Variants in MTMR7 observed in about 807,000 individuals in gnomAD.
The protein encoded by MTMR7 is phosphatidylinositol-3-phosphate phosphatase MTMR7.
Under a neutral mutation model 81.2 loss-of-function variants are expected in MTMR7, and 76 were observed. The ratio of observed to expected loss-of-function variants is 0.94; its 90% CI spans 0.78 to 1.13. The LOEUF (loss-of-function observed/expected upper bound fraction) is 1.13, where lower values mean the gene tolerates loss of function less well. Ranked by LOEUF, MTMR7 falls within the 50% of genes most tolerant of loss-of-function variation. The probability of loss-of-function intolerance (pLI) is 0.00; values close to 1 mark genes in which losing one functional copy is unlikely to be tolerated. For synonymous variants in MTMR7, 372 were observed against 289.8 expected (o/e 1.28, Z -2.88); for missense variants, 1,044 against 820.0 (o/e 1.27, Z -3.34).
intron 12 of MTMR7, among the ~76,000 whole-genome samples, chr8:17,303,802 G>A (rs1224549528): frequency 6.6e-6 from 1 of 152,054 alleles, no homozygotes; most frequent in Non-Finnish European, 1.5e-5. Flanking sequence ...TAGAGACTGG[G>A]TCTCCCCATG....
intron 1 of MTMR7, among the ~76,000 whole-genome samples, chr8:17,383,361 C>A (rs1188597545): frequency 6.6e-6 from 1 of 152,190 alleles, no homozygotes; most frequent in Non-Finnish European, 1.5e-5. Context: ...ACTTTTACCA[C>A]TGACCACACA....
chr8:17,346,884 T>TA (rs55910829), intron 5 of MTMR7, among the ~76,000 whole-genome samples: 4,138 of 65,120 alleles, frequency 0.064, 296 homozygotes, highest in Middle Eastern at 0.13. Flanking sequence ...CCTATCTTAA[T>TA]AAAAAAAAAA....
At chr8:17,356,241 T>A (rs1338737724) in intron 4 of MTMR7, among the ~76,000 whole-genome samples, 1 of 152,162 alleles carries the variant, frequency 6.6e-6, no homozygotes, top group Non-Finnish European at 1.5e-5. Flanking sequence ...CTTCCACATT[T>A]CCTTTAATGG....
At chr8:17,395,297 A>G (rs1042285476) in intron 1 of MTMR7, among the ~76,000 whole-genome samples, 2 of 152,106 alleles carry the variant, frequency 1.3e-5, no homozygotes, top group Non-Finnish European at 2.9e-5. Flanking sequence ...TACATATCAT[A>G]TTCTGTTTAT....
intron 7 of MTMR7, 45 bp from the exon 8 acceptor site, chr8:17,313,446 T>G: frequency 8.2e-7 from 1 of 1,214,358 alleles, no homozygotes; most frequent in Non-Finnish European, 1.2e-6. Context: ...AGGTACTCTC[T>G]CATTTTACAT....
At chr8:17,397,037 C>A (rs1821274024) in intron 1 of MTMR7, among the ~76,000 whole-genome samples, 1 of 151,896 alleles carries the variant, frequency 6.6e-6, no homozygotes, top group South Asian at 2.1e-4. Flanking sequence ...CATCTGCTGA[C>A]AAAAGAGCTC....
chr8:17,402,658 T>C (rs1474267184), intron 1 of MTMR7, among the ~76,000 whole-genome samples: 1 of 152,208 alleles, frequency 6.6e-6, no homozygotes, highest in Non-Finnish European at 1.5e-5. Context: ...TATACATTCG[T>C]CTGTTGATGG....
intron 6 of MTMR7, chr8:17,338,664 C>T (rs183692456): frequency 2.6e-5 from 4 of 151,610 alleles, no homozygotes; most frequent in African/African-American, 7.3e-5. Flanking sequence ...CACAAATTGA[C>T]AGAGAACAGT....
chr8:17,357,263 T>C (rs186537131), intron 4 of MTMR7, among the ~76,000 whole-genome samples: 166 of 152,350 alleles, frequency 1.1e-3, no homozygotes, highest in African/African-American at 3.7e-3. Context: ...ATAATAATAC[T>C]ACTATACACA....
rs1171525562 is a variant in MTMR7, at chr8:17,413,338, A to G, written c.-46T>C. On this transcript the variant is annotated 5_prime_UTR_variant, in exon 1 of 14. Coordinates refer to ENST00000180173, the MANE Select transcript of MTMR7 (RefSeq NM_004686.5). The stretch of plus-strand genomic sequence containing the variant: ...GTCCCGGGCGGGCGCGGCCTCACGC[A>G]CCTGCGCGCCTCTGCGGCGCGATGG... 6.6e-7 allele frequency: 1 copy of G among 1,508,816 alleles called. No individual in the cohort carries two copies. Among genetic ancestry groups the G allele is most frequent in the African/African-American group, 1.4e-5 (1 of 69,082 alleles). The allele number at this position is 1,508,816 out of a possible 1,614,324, so 93.5% of individuals were successfully genotyped here.
intron 7 of MTMR7, among the ~76,000 whole-genome samples, chr8:17,316,395 T>TA (rs1373394305): frequency 6.6e-6 from 1 of 151,784 alleles, no homozygotes; most frequent in African/African-American, 2.4e-5. Context: ...CTCTATATCT[T>TA]AAATTATTTA....
chr8:17,364,922 T>C (rs1297506273), intron 3 of MTMR7, among the ~76,000 whole-genome samples: 1 of 152,242 alleles, frequency 6.6e-6, no homozygotes, highest in African/African-American at 2.4e-5. Flanking sequence ...ATCTTTCCAG[T>C]AAGCACTCAA....
chr8:17,341,491 T>C lies in MTMR7; in HGVS notation c.604A>G (p.Ile202Val), dbSNP rs1195720850. Reference protein sequence around the residue: ...SYYYKDNHASICRSSQPLSGF... With the variant: ...SYYYKDNHASVCRSSQPLSGF... ...GACAGGGGCTGGCTGCTCCGGCAGA[T>C]GGAGGCCTAGGGGGAGAGGTCACAG... Residue 202 changes from isoleucine (I) to valine (V), a missense_variant, in exon 6 of 14, where the codon ATC becomes GTC. Transcript: ENST00000180173. 2.5e-6 allele frequency: 4 copies of C among 1,613,588 alleles called. No homozygotes were observed. The highest frequency in any genetic ancestry group is 3.4e-6 in the Non-Finnish European group (4 of 1,180,004).
At chr8:17,391,364 T>A (rs1268557660) in intron 1 of MTMR7, among the ~76,000 whole-genome samples, 1 of 152,168 alleles carries the variant, frequency 6.6e-6, no homozygotes, top group Non-Finnish European at 1.5e-5. Context: ...TGATGACATA[T>A]ATATTGTTTT....
Position 17,300,070 on chromosome 8 carries a change from C to A in MTMR7, c.1775G>T (p.Arg592Leu). Residue 592 changes from arginine (R) to leucine (L), a missense_variant, in exon 14 of 14, where the codon CGG (arginine) becomes CTG (leucine). By Grantham distance (102) the Arg-to-Leu change is moderately radical. Transcript: ENST00000180173. ...YSGNMKSFPS[R>L]SPSQGDEDSA... Reference sequence around the variant, plus strand: ...ATCTTCATCGCCTTGTGAAGGGCTCCGGGATGGAAATGATTTCATATTCCC... The same window carrying A: ...ATCTTCATCGCCTTGTGAAGGGCTCAGGGATGGAAATGATTTCATATTCCC... The A allele has an allele frequency of 3.7e-6, 6 of 1,614,074 alleles. No individual in the cohort carries two copies. In the South Asian group the frequency reaches 6.6e-5, roughly 18 times the overall value.
chr8:17,371,105 T>C lies in MTMR7; in HGVS notation c.242A>G (p.Gln81Arg). ...LIRCKNFQII[Q>R]LIIPQERDCH... ...ATCTCTTTCCTGAGGTATGATGAGC[T>C]GTATTATCTGAAAGTTCTTGCAGCG... Residue 81 changes from glutamine (Q) to arginine (R), a missense_variant, in exon 3 of 14, where the codon CAG (glutamine) becomes CGG (arginine). Physicochemically the swap from Gln to Arg is conservative, Grantham distance 43. Coordinates refer to ENST00000180173, the MANE Select transcript of MTMR7 (RefSeq NM_004686.5). The C allele has an allele frequency of 6.2e-7, 1 of 1,614,192 alleles. No individual in the cohort carries two copies. Among genetic ancestry groups the C allele is most frequent in the Non-Finnish European group, 8.5e-7 (1 of 1,180,016 alleles).
chr8:17,383,474 A>C (rs1295186224), intron 1 of MTMR7, among the ~76,000 whole-genome samples: 1 of 152,232 alleles, frequency 6.6e-6, no homozygotes, highest in Non-Finnish European at 1.5e-5. Flanking sequence ...CAACTGCCCA[A>C]GCCTCGCATC....
intron 1 of MTMR7, among the ~76,000 whole-genome samples, chr8:17,379,880 T>C (rs913730234): frequency 1.2e-4 from 19 of 152,170 alleles, no homozygotes; most frequent in African/African-American, 4.6e-4. Flanking sequence ...CTAAACTGTC[T>C]GAAGGCACCG....
At chr8:17,393,504 G>A (rs1014950715) in intron 1 of MTMR7, among the ~76,000 whole-genome samples, 3 of 152,140 alleles carry the variant, frequency 2.0e-5, no homozygotes, top group African/African-American at 4.8e-5. Context: ...AATCCATAAA[G>A]AACATTTACA....
Sources: gnomAD v4.1 joint callset for allele counts (sites outside exome capture counted in the v4.1 genomes callset) on GRCh38, gnomAD v4.1.1 for gene constraint, MANE v1.5 for transcripts, NCBI Gene and HGNC (gene_info 2026-07-23, HGNC 2026-07-21) for gene names.